The following GARIN5A variants were observed in gnomAD, a reference collection of about 807,000 sequenced individuals.
The protein encoded by GARIN5A is golgi associated RAB2 interactor 5A, also known as Golgi-associated RAB2 interactor protein 5A.
chr19:50,468,794 T>G, the GARIN5A span, among the ~76,000 whole-genome samples: 2 of 152,078 alleles, frequency 1.3e-5, no homozygotes, highest in African/African-American at 4.8e-5. Flanking sequence ...ATAGTAGAGA[T>G]GGGGTTTCAC....
the GARIN5A span, chr19:50,475,507 A>C: frequency 1.4e-5 from 21 of 1,525,408 alleles, no homozygotes; most frequent in Non-Finnish European, 1.9e-5. Context: ...GGCAGAACTG[A>C]GGAGGGATCA....
chr19:50,476,469 A>G, the GARIN5A span: 36 of 1,574,606 alleles, frequency 2.3e-5, no homozygotes, highest in African/African-American at 4.3e-4. Flanking sequence ...GGGCGTCAGG[A>G]TGCGGCCTGT....
the GARIN5A span, chr19:50,467,832 G>A: frequency 1.2e-6 from 2 of 1,612,672 alleles, no homozygotes; most frequent in Non-Finnish European, 1.7e-6. Flanking sequence ...GGAACAGCCT[G>A]GGTGGGAGGA....
the GARIN5A span, among the ~76,000 whole-genome samples, chr19:50,471,671 C>T: frequency 6.7e-6 from 1 of 150,104 alleles, no homozygotes; most frequent in Non-Finnish European, 1.5e-5. Context: ...TGTGTGTATA[C>T]GCATACATGC....
the GARIN5A span, among the ~76,000 whole-genome samples, chr19:50,473,359 CTT>C: frequency 6.6e-6 from 1 of 151,794 alleles, no homozygotes; most frequent in Non-Finnish European, 1.5e-5. Context: ...TCTTCCCTCT[CTT>C]TCTTTCTTTT....
chr19:50,468,497 G>A, the GARIN5A span, among the ~76,000 whole-genome samples: 1 of 151,734 alleles, frequency 6.6e-6, no homozygotes, highest in Non-Finnish European at 1.5e-5. Context: ...GGTCTTCCCT[G>A]TCTTAGCTAC....
chr19:50,476,473 G>T, the GARIN5A span: 2 of 1,576,368 alleles, frequency 1.3e-6, no homozygotes, highest in Non-Finnish European at 8.6e-7. Flanking sequence ...GTCAGGATGC[G>T]GCCTGTTCCT....
the GARIN5A span, among the ~76,000 whole-genome samples, chr19:50,472,251 A>G: frequency 3.9e-5 from 4 of 102,814 alleles, no homozygotes; most frequent in African/African-American, 1.1e-4. Context: ...TATTATATAT[A>G]CATGTATGTG....
At chr19:50,471,774 C>A in the GARIN5A span, among the ~76,000 whole-genome samples, 35 of 127,558 alleles carry the variant, frequency 2.7e-4, 1 homozygote, top group East Asian at 1.0e-3. Context: ...GCATACATAC[C>A]TGTGTGTATA....
chr19:50,476,020 C>T, the GARIN5A span: 8 of 1,604,218 alleles, frequency 5.0e-6, no homozygotes, highest in Non-Finnish European at 6.8e-6. Flanking sequence ...GAGGGCCCGG[C>T]ACAGCCCCGC....
the GARIN5A span, chr19:50,475,884 G>A: frequency 2.5e-6 from 4 of 1,613,998 alleles, no homozygotes; most frequent in East Asian, 4.5e-5. Flanking sequence ...GGTCGAATTC[G>A]CCGCTCTGGA....
the GARIN5A span, among the ~76,000 whole-genome samples, chr19:50,474,675 C>T: frequency 6.6e-6 from 1 of 151,848 alleles, no homozygotes; most frequent in East Asian, 1.9e-4. Context: ...CTGGTAGAGA[C>T]AGGGTTTTGC....
At chr19:50,475,229 C>A in the GARIN5A span, 2 of 1,465,526 alleles carry the variant, frequency 1.4e-6, no homozygotes, top group Admixed American at 2.4e-5. Context: ...CAGCTCCTGG[C>A]CCTGGGGGTG....
the GARIN5A span, among the ~76,000 whole-genome samples, chr19:50,473,816 G>A: frequency 2.0e-5 from 3 of 152,044 alleles, no homozygotes; most frequent in Non-Finnish European, 1.5e-5. Context: ...GTGAAACCCC[G>A]TCTCTACTAA....
At chr19:50,467,894 C>T in the GARIN5A span, 8 of 1,499,662 alleles carry the variant, frequency 5.3e-6, no homozygotes, top group Non-Finnish European at 7.3e-6. Flanking sequence ...CCGTCGGGGT[C>T]AGGGGTCCCC....
the GARIN5A span, among the ~76,000 whole-genome samples, chr19:50,471,965 T>C: frequency 2.0e-5 from 3 of 150,954 alleles, no homozygotes; most frequent in African/African-American, 7.4e-5. Context: ...TATGTATGTA[T>C]ATATACATGT....
chr19:50,476,087 T>C, the GARIN5A span: 1 of 1,610,568 alleles, frequency 6.2e-7, no homozygotes, highest in South Asian at 1.1e-5. Flanking sequence ...ACTTGGTTCC[T>C]TCACCAGGTC....
chr19:50,468,634 C>T, the GARIN5A span, among the ~76,000 whole-genome samples: 3 of 152,078 alleles, frequency 2.0e-5, no homozygotes, highest in African/African-American at 7.2e-5. Flanking sequence ...TAGAGGGTCT[C>T]ACTCTGTTGC....
chr19:50,467,783 G>C, the GARIN5A span: 1 of 1,612,586 alleles, frequency 6.2e-7, no homozygotes, highest in Non-Finnish European at 8.5e-7. Context: ...AGCTGACACC[G>C]GCTTTTGTCG....
Sources: allele counts gnomAD v4.1 joint callset (sites outside exome capture counted in the v4.1 genomes callset), GRCh38; gene constraint gnomAD v4.1.1; transcripts MANE v1.5; gene names NCBI Gene and HGNC (gene_info 2026-07-23, HGNC 2026-07-21).